Variants in DNAH14 observed in about 807,000 individuals in gnomAD.
The protein encoded by DNAH14 is axonemal beta dynein heavy chain 14.
DNAH14 carries 478 observed loss-of-function variants against 520.9 expected under a neutral mutation model. The ratio of observed to expected loss-of-function variants is 0.92; its 90% confidence interval spans 0.85 to 0.99. DNAH14 has a LOEUF of 0.99. DNAH14 is among the 50% of genes least tolerant of loss of function. The probability of loss-of-function intolerance (pLI) is 0.00; values close to 1 mark genes in which losing one functional copy is unlikely to be tolerated. For synonymous variants in DNAH14, 1,581 were observed against 1,757.2 expected (o/e 0.90, Z 2.51); for missense variants, 4,831 against 5,234.5 (o/e 0.92, Z 2.38).
intron 27 of DNAH14, among the ~76,000 whole-genome samples, chr1:225,133,766 T>G (rs940678104): frequency 9.2e-5 from 14 of 152,212 alleles, no homozygotes; most frequent in African/African-American, 3.1e-4. Context: ...ATGGAGAATG[T>G]CAGTGGTAGT....
At chr1:225,149,942 A>G (rs1402062416) in intron 31 of DNAH14, among the ~76,000 whole-genome samples, 1 of 152,132 alleles carries the variant, frequency 6.6e-6, no homozygotes, top group African/African-American at 2.4e-5. Flanking sequence ...ACTATGTTGA[A>G]TAGGAGTGGT....
chr1:225,390,915 C>T (rs1362700998), intron 83 of DNAH14, among the ~76,000 whole-genome samples: 2 of 151,810 alleles, frequency 1.3e-5, no homozygotes, highest in Non-Finnish European at 2.9e-5. Flanking sequence ...AAGGTCACTT[C>T]ACTACTAAGT....
chr1:225,168,144 TAA>T (rs2082215562), intron 36 of DNAH14, 116 bp downstream of exon 36: 1 of 644,064 alleles, frequency 1.6e-6, no homozygotes, highest in Admixed American at 3.5e-5. Flanking sequence ...TTTTTTTAAT[TAA>T]AGTCATTTAT....
Position 225,170,899 on chromosome 1 carries a change from C to G in DNAH14, c.5535+2871C>G, listed in dbSNP as rs758459688. Among the ~76,000 whole-genome samples, 12 of 152,262 alleles carry G rather than the reference C, an allele frequency of 7.9e-5. No individual in the cohort carries two copies. The South Asian group carries it at 1.4e-3, about 18-fold the overall frequency. ...GCAGTCCTCAGCAAATGTAAAAGAA[C>G]AGAAATTATAACAAACTGTCTCTCA... is the stretch of plus-strand genomic sequence containing the variant. On this transcript the variant is annotated intron_variant, in intron 36 of 85. Coordinates refer to ENST00000682510, the MANE Select transcript of DNAH14 (RefSeq NM_001367479.1).
intron 69 of DNAH14, among the ~76,000 whole-genome samples, chr1:225,341,354 G>T (rs2095176143): frequency 1.3e-5 from 2 of 152,184 alleles, no homozygotes; most frequent in South Asian, 2.1e-4. Context: ...GGGCACGGTG[G>T]CTCACGCCTG....
At chr1:225,377,872 T>A (rs961749434) in intron 79 of DNAH14, among the ~76,000 whole-genome samples, 4 of 152,202 alleles carry the variant, frequency 2.6e-5, no homozygotes, top group African/African-American at 9.6e-5. Context: ...TATATTAATA[T>A]TCATTATAAA....
At chr1:224,965,185 C>G (rs1257888868) in intron 5 of DNAH14, among the ~76,000 whole-genome samples, 1 of 151,972 alleles carries the variant, frequency 6.6e-6, no homozygotes, top group Non-Finnish European at 1.5e-5. Flanking sequence ...TACAGGTGCT[C>G]TAAGATTGAA....
At chr1:225,118,142 C>T (rs2077010984) in intron 25 of DNAH14, 143 bp downstream of exon 25, 1 of 740,036 alleles carries the variant, frequency 1.4e-6, no homozygotes. Flanking sequence ...TATACTTTTG[C>T]CTTTCCATAT....
In DNAH14 at chr1:225,322,659, TAC is replaced by T; in HGVS notation, c.9336-3_9336-2del. ...AGTTGATGAGATTTTCATCATCTAT[TAC>T]AGAGTATACACACGGCCTCCCTTCC... is the stretch of plus-strand genomic sequence containing the variant. On this transcript the variant is annotated splice_polypyrimidine_tract_variant and splice_region_variant and intron_variant, in intron 61 of 85. Coordinates refer to ENST00000682510, the MANE Select transcript of DNAH14 (RefSeq NM_001367479.1). 1 of 1,511,670 alleles carries T rather than the reference TAC, an allele frequency of 6.6e-7. No homozygotes were observed. The highest frequency in any genetic ancestry group is 8.9e-7 in the Non-Finnish European group (1 of 1,119,776). 93.6% of individuals were successfully genotyped at this position (1,511,670 alleles called of 1,614,324 possible). A position where few individuals can be genotyped will look rare whatever the true frequency, so the allele number is the denominator to read the frequency against.
At chr1:225,289,736 G>A (rs2093823210) in intron 54 of DNAH14, 149 bp from the exon 55 acceptor site, 2 of 473,578 alleles carry the variant, frequency 4.2e-6, no homozygotes, top group Non-Finnish European at 7.0e-6. Context: ...TTTAAATTAT[G>A]TTTAATATGA....
intron 41 of DNAH14, among the ~76,000 whole-genome samples, chr1:225,220,384 G>T (rs1024519521): frequency 6.6e-6 from 1 of 152,130 alleles, no homozygotes; most frequent in Non-Finnish European, 1.5e-5. Context: ...GTTCGCAAAT[G>T]ACATGATTGT....
chr1:225,342,511 A>G (rs906655776), intron 69 of DNAH14, among the ~76,000 whole-genome samples: 14 of 152,034 alleles, frequency 9.2e-5, no homozygotes, highest in African/African-American at 3.4e-4. Flanking sequence ...AATTGCTTTC[A>G]TCATCTTTTC....
intron 27 of DNAH14, among the ~76,000 whole-genome samples, chr1:225,137,578 A>G (rs1454065633): frequency 6.6e-6 from 1 of 151,182 alleles, no homozygotes; most frequent in Non-Finnish European, 1.5e-5. Context: ...CTGGTCTTGA[A>G]CTCCTGACCT....
At chr1:225,075,991 A>AGCCTGGGTCAACAGATGGGATG (rs372178554) in intron 17 of DNAH14, among the ~76,000 whole-genome samples, 8 of 152,006 alleles carry the variant, frequency 5.3e-5, no homozygotes, top group Non-Finnish European at 1.0e-4. Context: ...TGGCTGGTCC[A>AGCCTGGGTCAACAGATGGGATG]GCCTAGGGCC....
intron 52 of DNAH14, among the ~76,000 whole-genome samples, chr1:225,274,455 A>C (rs1363368547): frequency 2.0e-5 from 3 of 151,732 alleles, no homozygotes; most frequent in Non-Finnish European, 4.4e-5. Flanking sequence ...CGGCCTCCCA[A>C]AGTGCTGGGA....
In DNAH14 at chr1:225,308,312, C is replaced by T. The variant is rs769049097; in HGVS notation, c.9142C>T (p.Arg3048Trp). Residue 3048 changes from arginine to tryptophan, a missense_variant, in exon 60 of 86, where the codon CGG becomes TGG. Arg to Trp is a moderately radical substitution (Grantham distance 101). Transcript: ENST00000682510. ...AACAGAAACTCTAATGGAAAAACTA[C>T]GGAAAGATTCACAAGTAGTTGAGAA... ...KETETLMEKL[R>W]KDSQVVEKVQ... The T allele has an allele frequency of 1.3e-5, 20 of 1,538,900 alleles. No individual in the cohort carries two copies. Among genetic ancestry groups the T allele is most frequent in the East Asian group, 7.4e-5 (3 of 40,286 alleles).
rs1490662672 is a variant in DNAH14 at position 225,141,112 on chromosome 1, T to G, written c.4508+91T>G. The G allele has an allele frequency of 2.3e-6, 3 of 1,312,368 alleles. No individual in the cohort carries two copies. In the African/African-American group the frequency reaches 4.5e-5, roughly 19 times the overall value. The allele number at this position is 1,312,368 out of a possible 1,614,324, so 81.3% of individuals were successfully genotyped here. A position where few individuals can be genotyped will look rare whatever the true frequency, so the allele number is the denominator to read the frequency against. On this transcript the variant is annotated intron_variant, in intron 28 of 85. Coordinates refer to ENST00000682510, the MANE Select transcript of DNAH14 (RefSeq NM_001367479.1). The stretch of plus-strand genomic sequence containing the variant: ...TTCTCTACCTCACACTTTGTCAAAC[T>G]TGAGTTTTAATTTTGGGGGCTTTAC...
chr1:225,011,758 CTTTTTT>C (rs200216236), intron 10 of DNAH14, among the ~76,000 whole-genome samples: 13 of 82,132 alleles, frequency 1.6e-4, no homozygotes, highest in East Asian at 1.1e-3. Flanking sequence ...GCAACCTCTG[CTTTTTT>C]TTTTTTTTTT....
intron 10 of DNAH14, among the ~76,000 whole-genome samples, chr1:225,013,201 T>C (rs2064939522): frequency 6.6e-6 from 1 of 152,150 alleles, no homozygotes; most frequent in African/African-American, 2.4e-5. Flanking sequence ...TGTTTGTTAG[T>C]TTTGCTTCTA....
Sources: allele counts gnomAD v4.1 joint callset (sites outside exome capture counted in the v4.1 genomes callset), GRCh38; gene constraint gnomAD v4.1.1; transcripts MANE v1.5; gene names NCBI Gene and HGNC (gene_info 2026-07-23, HGNC 2026-07-21).